Variants in TTN observed in about 807,000 individuals in gnomAD.
TTN encodes the protein connectin.
A neutral mutation model predicts 3,223.0 loss-of-function variants in TTN; 1,525 were observed. That is an observed-to-expected ratio of 0.47 (90% CI 0.45 to 0.49). The LOEUF is 0.49. Ranked by LOEUF, TTN falls within the 20% of genes least tolerant of loss-of-function variation. The pLI is 0.00. For missense variants in TTN, 40,786 were observed against 43,424.0 expected (o/e 0.94, Z 5.40); for synonymous variants, 14,094 against 15,161.0 (o/e 0.93, Z 5.17).
At position 178,733,213 on chromosome 2, in the gene TTN, T is replaced by C. The variant is rs571675696; in HGVS notation, c.16054+26A>G. On this transcript the variant is annotated intron_variant, in intron 54 of 362. Transcript: ENST00000589042. The stretch of plus-strand genomic sequence containing the variant: ...ATTTGTTGGGTTTCAAATGCATATG[T>C]AGCATCATTTTCTAAAAATACTAAC... 24 of 1,565,040 alleles carry C rather than the reference T, an allele frequency of 1.5e-5. No homozygotes were observed. The South Asian group carries it at 2.7e-4, about 18-fold the overall frequency.
At chr2:178,746,574 C>T (rs2083622975) in intron 47 of TTN, 3 of 1,613,250 alleles carry the variant, frequency 1.9e-6, no homozygotes, top group Non-Finnish European at 2.5e-6. Flanking sequence ...ACTCTTTCTT[C>T]CTGGGGCATT....
At chr2:178,684,112 T>C (rs1577374950) in intron 132 of TTN, 30 bp from the exon 133 acceptor site, 1 of 1,607,850 alleles carries the variant, frequency 6.2e-7, no homozygotes, top group Admixed American at 1.7e-5. Context: ...TTTAAAGTAT[T>C]GTTTCCCTCT....
At chr2:178,720,317 C>A in intron 80 of TTN, 53 bp from the exon 81 acceptor site, 2 of 1,592,912 alleles carry the variant, frequency 1.3e-6, no homozygotes, top group South Asian at 2.3e-5. Flanking sequence ...CATGGCCACA[C>A]AAGTTATTAG....
rs554712508 is a variant in TTN, at chr2:178,691,602, A to G, written c.31762+414T>C. Among the ~76,000 whole-genome samples the G allele has an allele frequency of 4.6e-5, 7 of 152,194 alleles. No homozygotes were observed. In the South Asian group the frequency reaches 1.0e-3, roughly 23 times the overall value. On this transcript the variant is annotated intron_variant, in intron 121 of 362. Transcript: ENST00000589042. ...TAATTAACATTCAGTTCTGCCAGAC[A>G]CTCTCCAGTTGTCATTGCCTGTCTC... is the stretch of plus-strand genomic sequence containing the variant.
chr2:178,695,954 C>G lies in TTN; in HGVS notation c.31118G>C (p.Arg10373Thr). ...CTCCCCTTCGTCATAGCCTTCTTCCCTTTCATAGTATTCTTGCCCTTCTTC... is the reference window on the plus strand; with the variant it reads ...CTCCCCTTCGTCATAGCCTTCTTCCGTTTCATAGTATTCTTGCCCTTCTTC... Reference protein sequence around the residue: ...DFEEGQEYYEREEGYDEGEEE... With the variant: ...DFEEGQEYYETEEGYDEGEEE... The change falls in exon 114 of 363, where the codon AGG becomes ACG. Residue 10373 changes from arginine (R) to threonine (T), a missense_variant. By Grantham distance (71) the Arg-to-Thr change is moderately conservative. Coordinates refer to ENST00000589042, the MANE Select transcript of TTN (RefSeq NM_001267550.2). The G allele has an allele frequency of 6.5e-7, 1 of 1,532,880 alleles. No individual in the cohort carries two copies. Among genetic ancestry groups the G allele is most frequent in the Non-Finnish European group, 8.8e-7 (1 of 1,139,558 alleles). 95.0% of individuals were successfully genotyped at this position (1,532,880 alleles called of 1,614,324 possible). A position where few individuals can be genotyped will look rare whatever the true frequency, so the allele number is the denominator to read the frequency against.
chr2:178,650,384 CCTTCT>C, intron 209 of TTN, 113 bp from the exon 210 acceptor site: 1 of 1,016,300 alleles, frequency 9.8e-7, no homozygotes, highest in Non-Finnish European at 1.4e-6. Flanking sequence ...TCAATTGATA[CCTTCT>C]CTTATTTTTG....
chr2:178,625,608 A>T (rs1222135942), intron 240 of TTN, among the ~76,000 whole-genome samples: 1 of 151,994 alleles, frequency 6.6e-6, no homozygotes, highest in Admixed American at 6.6e-5. Context: ...GTTTTAGGGT[A>T]CATGTGCACA....
chr2:178,749,898 C>T lies in TTN; in HGVS notation c.11311+3226G>A, dbSNP rs1367949983. Reference sequence around the variant, plus strand: ...ATGGAATCCCCTTCTCTACACCTGGCATGCTTTGGCATTTCTTGTAACATT... The same window carrying T: ...ATGGAATCCCCTTCTCTACACCTGGTATGCTTTGGCATTTCTTGTAACATT... On this transcript the variant is annotated intron_variant, in intron 47 of 362. Transcript: ENST00000589042. The T allele has an allele frequency of 1.1e-5, 17 of 1,613,188 alleles. No homozygotes were observed. The highest frequency in any genetic ancestry group is 1.4e-5 in the Non-Finnish European group (17 of 1,179,500).
chr2:178,580,776 T>C, intron 316 of TTN, 167 bp from the exon 317 acceptor site: 2 of 705,952 alleles, frequency 2.8e-6, no homozygotes. Flanking sequence ...TCTGTACTAA[T>C]TGTTGATCTT....
At position 178,579,696 on chromosome 2, in the gene TTN, T is replaced by G; in HGVS notation, c.67501A>C (p.Met22501Leu). 6.2e-7 allele frequency: 1 copy of G among 1,613,300 alleles called. No individual in the cohort carries two copies. The highest frequency in any genetic ancestry group is 2.2e-5 in the East Asian group (1 of 44,754). ...LTEENKWQRV[M>L]KSLSLQYSAK... ...GAGTACTGTAGGCTTAAGGATTTCA[T>G]AACTCGTTGCCACTTATTTTCTTCA... Residue 22501 changes from methionine (M) to leucine (L), a missense_variant, in exon 319 of 363, where the codon ATG becomes CTG. By Grantham distance (15) the Met-to-Leu change is conservative (BLOSUM62 2). Transcript: ENST00000589042.
Position 178,584,407 on chromosome 2 carries a change from C to A in TTN, c.65144G>T (p.Arg21715Leu), listed in dbSNP as rs368450785. Reference sequence around the variant, plus strand: ...GCCAGCACAAGGATATTCAGTTGACCGGACAAGAGTATCATTGGCTTTCAC... The same window carrying A: ...GCCAGCACAAGGATATTCAGTTGACAGGACAAGAGTATCATTGGCTTTCAC... Reference protein sequence around the residue: ...LWVKANDTLVRSTEYPCAGLV... With the variant: ...LWVKANDTLVLSTEYPCAGLV... Residue 21715 changes from arginine to leucine, a missense_variant, in exon 311 of 363, where the codon CGG becomes CTG. Arg to Leu is a moderately radical substitution (Grantham distance 102, BLOSUM62 -2). Transcript: ENST00000589042. 130 of 1,613,112 alleles carry A rather than the reference C, an allele frequency of 8.1e-5. No homozygotes were observed. Among genetic ancestry groups the A allele is most frequent in the Admixed American group, 1.3e-4 (8 of 59,944 alleles).
chr2:178,726,369 A>G, intron 69 of TTN: 1 of 198,000 alleles, frequency 5.1e-6, no homozygotes, highest in Non-Finnish European at 1.0e-5. Flanking sequence ...ATAAATAATG[A>G]TTTGCATGAA....
intron 13 of TTN, 103 bp from the exon 14 acceptor site, chr2:178,786,244 G>A: frequency 8.4e-7 from 1 of 1,191,984 alleles, no homozygotes; most frequent in Non-Finnish European, 1.2e-6. Context: ...TTATACAGCA[G>A]TGTTAACGTG....
At position 178,602,149 on chromosome 2, in the gene TTN, C is replaced by T; in HGVS notation, c.55122G>A (p.Glu18374=). 1 of 1,602,188 alleles carries T rather than the reference C, an allele frequency of 6.2e-7. No homozygotes were observed. The change falls in exon 284 of 363, where the codon GAG becomes GAA. Residue 18374 remains glutamate (E), a splice_region_variant and synonymous_variant. Coordinates refer to ENST00000589042, the MANE Select transcript of TTN (RefSeq NM_001267550.2). The part of the protein sequence containing the change: ...TGEIPATDIQ[E]EPEVFIDIGA... The stretch of plus-strand genomic sequence containing the variant: ...CAATGTCAATGAAAACTTCTGGTTC[C>T]TCTGTAATACCACATACAATTTAAC...
intron 100 of TTN, among the ~76,000 whole-genome samples, chr2:178,707,187 C>G (rs1577746375): frequency 6.6e-6 from 1 of 152,102 alleles, no homozygotes; most frequent in African/African-American, 2.4e-5. Context: ...TATTTTTAGA[C>G]TTGGTTTTAT....
rs763681395 is a variant in TTN, at chr2:178,727,811, A to G, written c.19767T>C (p.Ser6589=). The G allele has an allele frequency of 3.1e-6, 5 of 1,612,256 alleles. No homozygotes were observed. Among genetic ancestry groups the G allele is most frequent in the Non-Finnish European group, 8.5e-7 (1 of 1,178,934 alleles). Reference sequence around the variant, plus strand: ...TTAGTATTGCCTTAAATTCCACTGTAGAATCAGGTATGGCTTGCTGTCGCC... The same window carrying G: ...TTAGTATTGCCTTAAATTCCACTGTGGAATCAGGTATGGCTTGCTGTCGCC... ...KPGRQQAIPD[S]TVEFKAILKG... The change falls in exon 68 of 363, where the codon TCT becomes TCC. Residue 6589 remains serine, a synonymous_variant. Coordinates refer to ENST00000589042, the MANE Select transcript of TTN (RefSeq NM_001267550.2).
At chr2:178,706,355 TG>T (rs1453167524) in intron 102 of TTN, 98 bp downstream of exon 102, 1 of 1,301,038 alleles carries the variant, frequency 7.7e-7, no homozygotes, top group Non-Finnish European at 1.0e-6. Context: ...TTAAATTTTT[TG>T]TTCTTTAATA....
Position 178,624,523 on chromosome 2 carries a change from A to C in TTN, c.44757T>G (p.Ile14919Met). The change falls in exon 242 of 363, where the codon ATT (isoleucine) becomes ATG (methionine). Residue 14919 changes from isoleucine to methionine, a missense_variant. Coordinates refer to ENST00000589042, the MANE Select transcript of TTN (RefSeq NM_001267550.2). The part of the protein sequence containing the change: ...LVIHDCTPED[I>M]KTYTCDAKDF... ...CCTTAGCATCACAAGTGTATGTTTT[A>C]ATATCCTCTGGGGTACAGTCATGTA... is the stretch of plus-strand genomic sequence containing the variant. The C allele has an allele frequency of 6.2e-7, 1 of 1,612,748 alleles. No individual in the cohort carries two copies. Among genetic ancestry groups the C allele is most frequent in the Non-Finnish European group, 8.5e-7 (1 of 1,179,144 alleles).
rs148920986 is a variant in TTN at position 178,773,587 on chromosome 2, C to T, written c.7469G>A (p.Arg2490His). 1.7e-5 allele frequency: 28 copies of T among 1,614,020 alleles called. No homozygotes were observed. The highest frequency in any genetic ancestry group is 2.2e-5 in the East Asian group (1 of 44,852). The change falls in exon 32 of 363, where the codon CGT becomes CAT. Residue 2490 changes from arginine to histidine, a missense_variant. By Grantham distance (29) the Arg-to-His change is conservative. Coordinates refer to ENST00000589042, the MANE Select transcript of TTN (RefSeq NM_001267550.2). ...AGTACCTTTCACAATGGCCTGTACACGGTCATCAGGCTTGATTTGTTCATC... is the reference window on the plus strand; with the variant it reads ...AGTACCTTTCACAATGGCCTGTACATGGTCATCAGGCTTGATTTGTTCATC... Reference protein sequence around the residue: ...LNDEQIKPDDRVQAIVKGTKQ... With the variant: ...LNDEQIKPDDHVQAIVKGTKQ...
Sources: allele counts gnomAD v4.1 joint callset (sites outside exome capture counted in the v4.1 genomes callset), GRCh38; gene constraint gnomAD v4.1.1; transcripts MANE v1.5; gene names NCBI Gene and HGNC (gene_info 2026-07-23, HGNC 2026-07-21).